Variants in NPAS3 observed in about 807,000 individuals in gnomAD.
NPAS3 encodes the protein neuronal PAS domain protein 3.
NPAS3 carries 14 observed loss-of-function variants against 73.1 expected under a neutral mutation model. The ratio of observed to expected loss-of-function variants is 0.19; its 90% CI spans 0.13 to 0.30. The LOEUF (loss-of-function observed/expected upper bound fraction) is 0.30, where lower values mean the gene tolerates loss of function less well. NPAS3 is among the 10% of genes least tolerant of loss of function. The pLI, the probability that NPAS3 is intolerant of heterozygous loss-of-function variation, is 1.00. For synonymous variants in NPAS3, 620 were observed against 541.5 expected (o/e 1.14, Z -2.01); for missense variants, 1,096 against 1,250.0 (o/e 0.88, Z 1.86).
rs374433989 is a variant in NPAS3, at chr14:33,774,641, G to A, written c.1046+111G>A. ...CCCAGTGAGGTTCATTCTAAATCCT[G>A]ATCTTGTTTTTAATGGCCACTTGGA... On this transcript the variant is annotated intron_variant, in intron 8 of 11. Coordinates refer to ENST00000356141, the Ensembl canonical transcript of NPAS3. The A allele has an allele frequency of 2.3e-5, 20 of 860,484 alleles. No individual in the cohort carries two copies. In the East Asian group the frequency reaches 3.8e-4, roughly 16 times the overall value. 53.3% of individuals were successfully genotyped at this position (860,484 alleles called of 1,614,324 possible). A position where few individuals can be genotyped will look rare whatever the true frequency, so the allele number is the denominator to read the frequency against.
intron 5 of NPAS3, among the ~76,000 whole-genome samples, chr14:33,594,735 T>C (rs2057182745): frequency 6.6e-6 from 1 of 152,054 alleles, no homozygotes; most frequent in South Asian, 2.1e-4. Context: ...TTGGAGAGAG[T>C]TGCGGGATTT....
chr14:33,775,489 C>G (rs1256467209), intron 8 of NPAS3, among the ~76,000 whole-genome samples: 1 of 152,098 alleles, frequency 6.6e-6, no homozygotes, highest in East Asian at 1.9e-4. Flanking sequence ...AGAGACTAAC[C>G]AAGAAGATAG....
chr14:33,254,061 CCT>C (rs1343184984), intron 3 of NPAS3, among the ~76,000 whole-genome samples: 1 of 152,040 alleles, frequency 6.6e-6, no homozygotes. Flanking sequence ...CCATCCTCAT[CCT>C]CTCTGCTTTA....
intron 3 of NPAS3, among the ~76,000 whole-genome samples, chr14:33,220,849 G>A (rs1181798515): frequency 2.0e-5 from 3 of 152,142 alleles, no homozygotes; most frequent in African/African-American, 4.8e-5. Context: ...CTGGTACAAC[G>A]GAGCATTCAG....
At chr14:33,127,585 T>C (rs1296068337) in intron 2 of NPAS3, among the ~76,000 whole-genome samples, 2 of 152,118 alleles carry the variant, frequency 1.3e-5, no homozygotes, top group African/African-American at 4.8e-5. Flanking sequence ...CCTGCTCCCT[T>C]ATAGAAGGAG....
chr14:32,973,392 C>T (rs1367473668), intron 1 of NPAS3, among the ~76,000 whole-genome samples: 1 of 152,154 alleles, frequency 6.6e-6, no homozygotes, highest in Non-Finnish European at 1.5e-5. Flanking sequence ...GCTGATCAGA[C>T]ACCTAACTAC....
At chr14:33,339,851 A>T (rs886207183) in intron 3 of NPAS3, among the ~76,000 whole-genome samples, 1 of 152,188 alleles carries the variant, frequency 6.6e-6, no homozygotes, top group African/African-American at 2.4e-5. Flanking sequence ...TAATGTCTAT[A>T]TGAGTGTATG....
intron 8 of NPAS3, among the ~76,000 whole-genome samples, chr14:33,776,851 T>C (rs2062836810): frequency 6.6e-6 from 1 of 152,170 alleles, no homozygotes; most frequent in Non-Finnish European, 1.5e-5. Flanking sequence ...TTTTGAGATA[T>C]GTGTTAAGAG....
chr14:33,034,516 T>C (rs2040098406), intron 1 of NPAS3, among the ~76,000 whole-genome samples: 1 of 151,532 alleles, frequency 6.6e-6, no homozygotes, highest in East Asian at 1.9e-4. Flanking sequence ...ATATATACCA[T>C]ATATTAATAC....
chr14:33,217,674 T>C (rs2047274816), intron 3 of NPAS3, among the ~76,000 whole-genome samples: 1 of 152,164 alleles, frequency 6.6e-6, no homozygotes, highest in Non-Finnish European at 1.5e-5. Flanking sequence ...AAAAATGTGA[T>C]GGTTCTGTTA....
intron 5 of NPAS3, among the ~76,000 whole-genome samples, chr14:33,589,598 G>T (rs915128790): frequency 6.6e-6 from 1 of 152,150 alleles, no homozygotes; most frequent in African/African-American, 2.4e-5. Context: ...ATAAGAGTTT[G>T]TAGTTCCAGA....
At chr14:33,231,294 T>G (rs906859310) in intron 3 of NPAS3, among the ~76,000 whole-genome samples, 4 of 152,226 alleles carry the variant, frequency 2.6e-5, no homozygotes, top group African/African-American at 9.6e-5. Context: ...GCTAAAGCAA[T>G]TGATGACTCC....
At chr14:33,133,418 C>T (rs750696679) in intron 2 of NPAS3, among the ~76,000 whole-genome samples, 4 of 152,094 alleles carry the variant, frequency 2.6e-5, no homozygotes, top group African/African-American at 4.8e-5. Context: ...ATCACTGAGT[C>T]GTTAGGACCG....
At chr14:33,114,723 T>C (rs1293174033) in intron 2 of NPAS3, among the ~76,000 whole-genome samples, 1 of 152,100 alleles carries the variant, frequency 6.6e-6, no homozygotes, top group East Asian at 1.9e-4. Flanking sequence ...ACTCTACTTA[T>C]TGACGAGATC....
upstream of NPAS3, among the ~76,000 whole-genome samples, chr14:32,938,466 A>AGAGAGAGAGAAAAT (rs2035776186): frequency 7.7e-6 from 1 of 129,216 alleles, no homozygotes; most frequent in African/African-American, 3.0e-5. Context: ...AAAGAGAGAG[A>AGAGAGAGAGAAAAT]GAGAGAGAGA....
At chr14:33,161,449 C>G (rs1175846268) in intron 2 of NPAS3, among the ~76,000 whole-genome samples, 1 of 152,094 alleles carries the variant, frequency 6.6e-6, no homozygotes, top group Non-Finnish European at 1.5e-5. Flanking sequence ...ATGTTGGATC[C>G]CAAGGCCCAA....
chr14:32,993,968 C>G (rs889463796), intron 1 of NPAS3, among the ~76,000 whole-genome samples: 1 of 152,144 alleles, frequency 6.6e-6, no homozygotes, highest in African/African-American at 2.4e-5. Context: ...CTTAGCTTAT[C>G]TAGCCTGGAA....
At chr14:33,189,510 A>G (rs1433587935) in intron 2 of NPAS3, among the ~76,000 whole-genome samples, 1 of 152,194 alleles carries the variant, frequency 6.6e-6, no homozygotes, top group Non-Finnish European at 1.5e-5. Flanking sequence ...TGGAATGGAA[A>G]TTAATTATTG....
At chr14:33,480,380 C>A (rs563051819) in intron 4 of NPAS3, among the ~76,000 whole-genome samples, 80 of 152,262 alleles carry the variant, frequency 5.3e-4, no homozygotes, top group South Asian at 3.1e-3. Context: ...GGCCTTTAGG[C>A]AATCTTCCAT....
Sources: allele counts gnomAD v4.1 joint callset (sites outside exome capture counted in the v4.1 genomes callset), GRCh38; gene constraint gnomAD v4.1.1; transcripts MANE v1.5; gene names NCBI Gene and HGNC (gene_info 2026-07-23, HGNC 2026-07-21).